Variants in ECT2 observed in about 807,000 individuals in gnomAD.
ECT2 encodes epithelial cell transforming 2, also known as protein ECT2.
Under a neutral mutation model 116.9 loss-of-function variants are expected in ECT2, and 61 were observed. The observed-to-expected ratio is 0.52, with a 90% CI of 0.42 to 0.65. ECT2 has a LOEUF of 0.65. ECT2 is among the 30% of genes least tolerant of loss of function. The pLI, the probability that ECT2 is intolerant of heterozygous loss-of-function variation, is 0.00. For synonymous variants in ECT2, 358 were observed against 346.4 expected (o/e 1.03, Z -0.37); for missense variants, 937 against 1,078.7 (o/e 0.87, Z 1.84).
In ECT2 at chr3:172,817,594, C is replaced by G. The variant is rs765279598; in HGVS notation, c.2655+757C>G. ...CAGAGGATGATACGAGTTCTAAATT[C>G]ATGTATATTGTATATATATGTATGT... is the stretch of plus-strand genomic sequence containing the variant. On this transcript the variant is annotated intron_variant, in intron 24 of 24. Coordinates refer to ENST00000392692, the MANE Select transcript of ECT2 (RefSeq NM_001258315.2). Among the ~76,000 whole-genome samples, 117 of 152,072 alleles carry G rather than the reference C, an allele frequency of 7.7e-4. No individual in the cohort carries two copies. The Middle Eastern group carries it at 0.01, about 13-fold the overall frequency.
In ECT2 at chr3:172,783,757, C is replaced by T; in HGVS notation, c.1618-42C>T. 4 of 1,291,516 alleles carry T rather than the reference C, an allele frequency of 3.1e-6. No individual in the cohort carries two copies. In the South Asian group the frequency reaches 3.7e-5, roughly 12 times the overall value. The allele number at this position is 1,291,516 out of a possible 1,614,324, so 80.0% of individuals were successfully genotyped here. On this transcript the variant is annotated intron_variant, in intron 15 of 24. Coordinates refer to ENST00000392692, the MANE Select transcript of ECT2 (RefSeq NM_001258315.2). Reference sequence around the variant, plus strand: ...TAAGTTACATTGTCTCTAAGGGTGACAAATGCATAATAAATAATGTTTTTT... The same window carrying T: ...TAAGTTACATTGTCTCTAAGGGTGATAAATGCATAATAAATAATGTTTTTT...
intron 17 of ECT2, among the ~76,000 whole-genome samples, chr3:172,785,461 C>A (rs1723443320): frequency 6.6e-6 from 1 of 150,738 alleles, no homozygotes; most frequent in Non-Finnish European, 1.5e-5. Flanking sequence ...GAGGGTAAGC[C>A]CAGGAGTTGG....
chr3:172,818,345 A>G (rs1333298078), intron 24 of ECT2: 2 of 182,652 alleles, frequency 1.1e-5, no homozygotes, highest in Non-Finnish European at 1.1e-5. Context: ...AAATTAGATT[A>G]TAGCTTTCTC....
intron 15 of ECT2, among the ~76,000 whole-genome samples, chr3:172,783,419 C>A (rs1286623693): frequency 6.6e-6 from 1 of 152,016 alleles, no homozygotes; most frequent in Non-Finnish European, 1.5e-5. Context: ...TTTAACTGAT[C>A]TTTTAATGGC....
chr3:172,803,919 C>T (rs926403769), intron 20 of ECT2, among the ~76,000 whole-genome samples: 1 of 151,838 alleles, frequency 6.6e-6, no homozygotes, highest in South Asian at 2.1e-4. Flanking sequence ...ATTTTCTTAT[C>T]CCAACATCGC....
At chr3:172,810,770 A>C (rs147773756) in intron 22 of ECT2, among the ~76,000 whole-genome samples, 25 of 152,292 alleles carry the variant, frequency 1.6e-4, no homozygotes, top group African/African-American at 6.0e-4. Flanking sequence ...AAATGCTAGA[A>C]AATTTCCTGG....
Position 172,816,932 on chromosome 3 carries a change from T to TA in ECT2, c.2655+102dup, listed in dbSNP as rs1163782365. 25 of 1,068,720 alleles carry TA rather than the reference T, an allele frequency of 2.3e-5. No individual in the cohort carries two copies. In the South Asian group the frequency reaches 3.2e-4, roughly 14 times the overall value. The allele number at this position is 1,068,720 out of a possible 1,614,324, so 66.2% of individuals were successfully genotyped here. ...AAAATTGGAAATATTTCTTCCATTT[T>TA]AAAAAAATTTTAATAATTTTATTTA... On this transcript the variant is annotated intron_variant, in intron 24 of 24. Coordinates refer to ENST00000392692, the MANE Select transcript of ECT2 (RefSeq NM_001258315.2).
At chr3:172,795,388 T>G (rs1333466026) in intron 18 of ECT2, among the ~76,000 whole-genome samples, 1 of 152,072 alleles carries the variant, frequency 6.6e-6, no homozygotes, top group African/African-American at 2.4e-5. Flanking sequence ...AATTAGTGGT[T>G]AGACAGTTTT....
chr3:172,805,854 A>G lies in ECT2; in HGVS notation c.2230A>G (p.Ile744Val), dbSNP rs143320313. 5 of 1,613,082 alleles carry G rather than the reference A, an allele frequency of 3.1e-6. No individual in the cohort carries two copies. In the African/African-American group the frequency reaches 5.3e-5, roughly 17 times the overall value. ...TTCTCAGATTAAGAAGGTATTGGAC[A>G]TAAGAGAGACAGAAGGTATGCCGGT... Reference protein sequence around the residue: ...PLSQIKKVLDIRETEDCHNAF... With the variant: ...PLSQIKKVLDVRETEDCHNAF... The change falls in exon 21 of 25, where the codon ATA (isoleucine) becomes GTA (valine). Residue 744 changes from isoleucine (I) to valine (V), a missense_variant. Coordinates refer to ENST00000392692, the MANE Select transcript of ECT2 (RefSeq NM_001258315.2).
At chr3:172,762,103 A>G (rs1718420957) in intron 8 of ECT2, among the ~76,000 whole-genome samples, 2 of 152,132 alleles carry the variant, frequency 1.3e-5, no homozygotes, top group Admixed American at 1.3e-4. Context: ...ATTTCATGAA[A>G]GTTATCATTA....
chr3:172,801,168 A>G (rs995399474), intron 18 of ECT2, among the ~76,000 whole-genome samples: 1 of 150,974 alleles, frequency 6.6e-6, no homozygotes, highest in Non-Finnish European at 1.5e-5. Context: ...GCCTGGTATT[A>G]TTTTATTGAA....
intron 18 of ECT2, among the ~76,000 whole-genome samples, chr3:172,800,223 C>T (rs973016860): frequency 4.6e-5 from 7 of 152,146 alleles, no homozygotes; most frequent in Non-Finnish European, 7.3e-5. Flanking sequence ...ACTTGGGGCG[C>T]GTGGTAGCTG....
At chr3:172,752,177 T>C (rs1257746784) in intron 1 of ECT2, 1 of 151,440 alleles carries the variant, frequency 6.6e-6, no homozygotes, top group East Asian at 2.0e-4. Flanking sequence ...TTACCTAGAC[T>C]GGAGTGCAGT....
At chr3:172,767,955 C>T (rs930357614) in intron 12 of ECT2, among the ~76,000 whole-genome samples, 5 of 152,174 alleles carry the variant, frequency 3.3e-5, no homozygotes, top group African/African-American at 1.2e-4. Flanking sequence ...TGGCCTCGAA[C>T]TCCTGACCTC....
intron 18 of ECT2, among the ~76,000 whole-genome samples, chr3:172,800,797 G>A (rs1049479108): frequency 4.0e-5 from 6 of 151,874 alleles, no homozygotes; most frequent in Non-Finnish European, 1.5e-5. Flanking sequence ...TCCTACTTCT[G>A]CCAAAGTGTT....
intron 22 of ECT2, among the ~76,000 whole-genome samples, chr3:172,811,935 T>C (rs539329669): frequency 2.0e-5 from 3 of 152,214 alleles, no homozygotes; most frequent in South Asian, 2.1e-4. Context: ...TTTGATACTT[T>C]CTAGAAATAT....
chr3:172,779,829 G>T (rs954437107), intron 14 of ECT2, among the ~76,000 whole-genome samples: 1 of 151,624 alleles, frequency 6.6e-6, no homozygotes, highest in African/African-American at 2.4e-5. Context: ...TTGAGCTTGG[G>T]TGGTTGAGGC....
chr3:172,815,763 C>A, intron 23 of ECT2, 52 bp downstream of exon 23: 1 of 1,166,230 alleles, frequency 8.6e-7, no homozygotes, highest in Non-Finnish European at 1.3e-6. Flanking sequence ...ATTTTCCAGA[C>A]TATATTCAAA....
At chr3:172,789,409 G>T (rs73175005) in intron 18 of ECT2, among the ~76,000 whole-genome samples, 16,064 of 151,972 alleles carry the variant, frequency 0.11, 1,074 homozygotes, top group Non-Finnish European at 0.15. Context: ...TTGCCATGTA[G>T]CCCAGGCTGG....
Sources: allele counts gnomAD v4.1 joint callset (sites outside exome capture counted in the v4.1 genomes callset), GRCh38; gene constraint gnomAD v4.1.1; transcripts MANE v1.5; gene names NCBI Gene and HGNC (gene_info 2026-07-23, HGNC 2026-07-21).